The following ANO8 variants were observed in gnomAD, a reference collection of about 807,000 sequenced individuals.
ANO8 encodes the protein anoctamin-8.
In ANO8, 67 loss-of-function variants were observed where a neutral mutation model predicts 120.4. The ratio of observed to expected loss-of-function variants is 0.56; its 90% CI spans 0.46 to 0.68. The LOEUF is 0.68. ANO8 is among the 30% of genes least tolerant of loss of function. The pLI, the probability that ANO8 is intolerant of heterozygous loss-of-function variation, is 0.00. For synonymous variants in ANO8, 727 were observed against 759.2 expected (o/e 0.96, Z 0.70); for missense variants, 1,526 against 1,737.6 (o/e 0.88, Z 2.16).
chr19:17,327,307 G>A lies in ANO8; in HGVS notation c.2589C>T (p.Ala863=), dbSNP rs1370760376. The A allele has an allele frequency of 1.3e-6, 2 of 1,549,768 alleles. No individual in the cohort carries two copies. The highest frequency in any genetic ancestry group is 2.7e-5 in the African/African-American group (2 of 72,994). Residue 863 remains alanine (A), a synonymous_variant, in exon 16 of 18, where the codon GCC becomes GCT. Transcript: ENST00000159087. ...ALLLKYLIHV[A]IPDIPGWVAE... is the part of the protein sequence containing the mutation. ...CCACCCAGCCCGGGATATCGGGGAT[G>A]GCCACGTGGATGAGGTACTTGAGGA...
At chr19:17,325,752 A>G (rs187962388) in intron 16 of ANO8, among the ~76,000 whole-genome samples, 2,597 of 152,168 alleles carry the variant, frequency 0.017, 29 homozygotes, top group Non-Finnish European at 0.027. Context: ...AAATGGCAAA[A>G]CCCTGTCTCT....
intron 8 of ANO8, 58 bp downstream of exon 8, chr19:17,330,764 GCAGTGC>G: frequency 6.5e-7 from 1 of 1,549,614 alleles, no homozygotes; most frequent in Non-Finnish European, 8.7e-7. Flanking sequence ...CTTTGCTCCT[GCAGTGC>G]CCCCCACCAT....
At chr19:17,329,425 G>A (rs570828778) in intron 12 of ANO8, 44 of 405,768 alleles carry the variant, frequency 1.1e-4, no homozygotes, top group South Asian at 9.4e-4. Flanking sequence ...CCCGGGCCGC[G>A]AGCAGGAGGC....
rs2074294715 is a variant in ANO8 at position 17,328,742 on chromosome 19, C to T, written c.1646G>A (p.Gly549Asp). The T allele has an allele frequency of 1.5e-6, 2 of 1,351,918 alleles. No individual in the cohort carries two copies. The highest frequency in any genetic ancestry group is 1.5e-5 in the African/African-American group (1 of 65,118). The allele number at this position is 1,351,918 out of a possible 1,614,324, so 83.7% of individuals were successfully genotyped here. Reference sequence around the variant, plus strand: ...CTCCTCCTCCTCCGGCGCCCCGCAGCCCCCGCTGAGGCACCTGCGGCCCCC... The same window carrying T: ...CTCCTCCTCCTCCGGCGCCCCGCAGTCCCCGCTGAGGCACCTGCGGCCCCC... ...GGGGRRCLSG[G>D]CGAPEEEEEA... Residue 549 changes from glycine (G) to aspartate (D), a missense_variant, in exon 13 of 18, where the codon GGC (glycine) becomes GAC (aspartate). Coordinates refer to ENST00000159087, the MANE Select transcript of ANO8 (RefSeq NM_020959.3).
At position 17,327,443 on chromosome 19, in the gene ANO8, G is replaced by T; in HGVS notation, c.2545C>A (p.Leu849Ile). 6.2e-7 allele frequency: 1 copy of T among 1,609,100 alleles called. No homozygotes were observed. The highest frequency in any genetic ancestry group is 8.5e-7 in the Non-Finnish European group (1 of 1,177,850). Residue 849 changes from leucine to isoleucine, a missense_variant, in exon 15 of 18, where the codon CTC becomes ATC. By Grantham distance (5) the Leu-to-Ile change is conservative. Coordinates refer to ENST00000159087, the MANE Select transcript of ANO8 (RefSeq NM_020959.3). Reference protein sequence around the residue: ...PEAAIVSVVVLEHFALLLKYL... With the variant: ...PEAAIVSVVVIEHFALLLKYL... ...GCCCCTGTCGCCGGCCCCACCTCGA[G>T]CACTACCACCGACACGATGGCTGCC...
chr19:17,328,935 C>T lies in ANO8; in HGVS notation c.1453G>A (p.Glu485Lys), dbSNP rs760757316. The change falls in exon 13 of 18, where the codon GAG (glutamate) becomes AAG (lysine). Residue 485 changes from glutamate (E) to lysine (K), a missense_variant. Physicochemically the swap from Glu to Lys is moderately conservative, Grantham distance 56. Transcript: ENST00000159087. ...CGGTACAGGTGCGGCTGCAGGACCT[C>T]GCGCACGTTCTGGAGGAACTGGCGG... Reference protein sequence around the residue: ...ITRQFLQNVREVLQPHLYRRL... With the variant: ...ITRQFLQNVRKVLQPHLYRRL... 2.1e-5 allele frequency: 31 copies of T among 1,510,728 alleles called. No homozygotes were observed. In the East Asian group the frequency reaches 7.5e-4, roughly 37 times the overall value. 93.6% of individuals were successfully genotyped at this position (1,510,728 alleles called of 1,614,324 possible).
At position 17,323,311 on chromosome 19, in the gene ANO8, C is replaced by CTGGGTGTGTG. The variant is rs1804446743; in HGVS notation, c.*205_*206insCACACACCCA. 1.2e-5 allele frequency: 4 copies of CTGGGTGTGTG among 327,488 alleles called. No individual in the cohort carries two copies. The highest frequency in any genetic ancestry group is 2.2e-5 in the Non-Finnish European group (4 of 180,456). The allele number at this position is 327,488 out of a possible 1,614,324, so 20.3% of individuals were successfully genotyped here. ...AAAAACAAATAAATAATCGCCTGTTCTGTGTGTGTGTGTGTGTGTGTGTGT... is the reference window on the plus strand; with the variant it reads ...AAAAACAAATAAATAATCGCCTGTTCTGGGTGTGTGTGTGTGTGTGTGTGTGTGTGTGTGT... On this transcript the variant is annotated 3_prime_UTR_variant, in exon 18 of 18. Coordinates refer to ENST00000159087, the MANE Select transcript of ANO8 (RefSeq NM_020959.3).
At chr19:17,331,699 T>G (rs2074319630) in intron 5 of ANO8, among the ~76,000 whole-genome samples, 1 of 149,134 alleles carries the variant, frequency 6.7e-6, no homozygotes, top group African/African-American at 2.5e-5. Flanking sequence ...CAGGCTGGAG[T>G]GCAGTGGCGT....
intron 12 of ANO8, 91 bp from the exon 13 acceptor site, chr19:17,329,074 A>G: frequency 1.9e-6 from 2 of 1,067,742 alleles, no homozygotes; most frequent in South Asian, 3.7e-5. Flanking sequence ...GCCCCGCCGG[A>G]GCACCGTGCC....
rs780362914 is a variant in ANO8, at chr19:17,325,396, G to C, written c.2662-10C>G. 6.4e-7 allele frequency: 1 copy of C among 1,568,566 alleles called. No individual in the cohort carries two copies. The highest frequency in any genetic ancestry group is 1.7e-5 in the Admixed American group (1 of 57,360). ...CCTGGCGCTCGTGTCTCTGCAGGTA[G>C]AGCCAAGCCGTTACAGGACTAAGAA... On this transcript the variant is annotated splice_polypyrimidine_tract_variant and intron_variant, in intron 16 of 17. Coordinates refer to ENST00000159087, the MANE Select transcript of ANO8 (RefSeq NM_020959.3).
chr19:17,328,863 C>A lies in ANO8; in HGVS notation c.1525G>T (p.Ala509Ser), dbSNP rs1387833787. Residue 509 changes from alanine (A) to serine (S), a missense_variant, in exon 13 of 18, where the codon GCC becomes TCC. Physicochemically the swap from Ala to Ser is moderately conservative, Grantham distance 99. Coordinates refer to ENST00000159087, the MANE Select transcript of ANO8 (RefSeq NM_020959.3). ...ELGLRAVWEL[A>S]RALLGLLSLR... ...CTCAGGAGGCCAAGCAGGGCTCGGG[C>A]CAGCTCCCAGACGGCCCGCAGGCCC... 3 of 1,496,784 alleles carry A rather than the reference C, an allele frequency of 2.0e-6. No individual in the cohort carries two copies. The highest frequency in any genetic ancestry group is 2.7e-6 in the Non-Finnish European group (3 of 1,128,506). The allele number at this position is 1,496,784 out of a possible 1,614,324, so 92.7% of individuals were successfully genotyped here. A position where few individuals can be genotyped will look rare whatever the true frequency, so the allele number is the denominator to read the frequency against.
rs754856650 is a variant in ANO8 at position 17,333,273 on chromosome 19, G to C, written c.351-34C>G. Reference sequence around the variant, plus strand: ...AAGGCGGAGGAGGTGGGCTCACAGGGAGGCCCCGGCCCACCATCCTGGAGC... The same window carrying C: ...AAGGCGGAGGAGGTGGGCTCACAGGCAGGCCCCGGCCCACCATCCTGGAGC... On this transcript the variant is annotated intron_variant, in intron 3 of 17. Coordinates refer to ENST00000159087, the MANE Select transcript of ANO8 (RefSeq NM_020959.3). The surrounding 1 kb of genome is among the most constrained non-coding windows in gnomAD (Gnocchi z 7.2). 1.2e-6 allele frequency: 2 copies of C among 1,603,328 alleles called. No homozygotes were observed. The highest frequency in any genetic ancestry group is 2.2e-5 in the South Asian group (2 of 90,636).
rs374120885 is a variant in ANO8, at chr19:17,328,318, C to G, written c.2070G>C (p.Gly690=). 1.3e-6 allele frequency: 2 copies of G among 1,595,766 alleles called. No individual in the cohort carries two copies. Among genetic ancestry groups the G allele is most frequent in the Non-Finnish European group, 1.7e-6 (2 of 1,173,572 alleles). Residue 690 remains glycine (G), a synonymous_variant, in exon 13 of 18, where the codon GGG becomes GGC. Transcript: ENST00000159087. ...RRAGGEGRDQ[G]PDGGPDPEPG... ...GTTCCGGGTCCGGGCCCCCGTCGGG[C>G]CCCTGGTCTCGGCCCTCGCCCCCGG...
rs1275834542 is a variant in ANO8, at chr19:17,328,784, C to T, written c.1604G>A (p.Gly535Asp). 3 of 1,360,142 alleles carry T rather than the reference C, an allele frequency of 2.2e-6. No homozygotes were observed. Among genetic ancestry groups the T allele is most frequent in the Admixed American group, 7.8e-5 (2 of 25,616 alleles). The allele number at this position is 1,360,142 out of a possible 1,614,324, so 84.3% of individuals were successfully genotyped here. Reference sequence around the variant, plus strand: ...GCGGCCCCCGCCCCCGCTGCCGCCGCCCCCGCCCTCATCCGCCTGGGGTTC... The same window carrying T: ...GCGGCCCCCGCCCCCGCTGCCGCCGTCCCCGCCCTCATCCGCCTGGGGTTC... ...RLEPQADEGG[G>D]GGSGGGGRRC... Residue 535 changes from glycine to aspartate, a missense_variant, in exon 13 of 18, where the codon GGC becomes GAC. By Grantham distance (94) the Gly-to-Asp change is moderately conservative. This residue lies in a region of ANO8 where 467 missense variants were observed against 425.8 expected (regional missense o/e 1.10). Transcript: ENST00000159087.
rs963477199 is a variant in ANO8, at chr19:17,324,939, G to T, written c.3109C>A (p.Arg1037=). Reference sequence around the variant, plus strand: ...GGTGAGTGGCTGCGCTCAGAGTCCCGCCGGGTCTCGGGTGACTTGAGGAAC... The same window carrying T: ...GGTGAGTGGCTGCGCTCAGAGTCCCTCCGGGTCTCGGGTGACTTGAGGAAC... ...FKFLKSPETR[R]DSERSHSPPK... is the part of the protein sequence containing the mutation. Residue 1037 remains arginine (R), a synonymous_variant, in exon 17 of 18, where the codon CGG becomes AGG. Coordinates refer to ENST00000159087, the MANE Select transcript of ANO8 (RefSeq NM_020959.3). 1.2e-5 allele frequency: 20 copies of T among 1,613,230 alleles called. No homozygotes were observed. The highest frequency in any genetic ancestry group is 1.6e-5 in the Non-Finnish European group (19 of 1,179,922).
At chr19:17,325,469 C>T in intron 16 of ANO8, 83 bp from the exon 17 acceptor site, 1 of 1,486,870 alleles carries the variant, frequency 6.7e-7, no homozygotes, top group South Asian at 1.4e-5. Flanking sequence ...TGCCAGGGCT[C>T]TCTGCAAAAG....
chr19:17,328,789 G>A lies in ANO8; in HGVS notation c.1599C>T (p.Gly533=). The part of the protein sequence containing the change: ...PRRLEPQADE[G]GGGGSGGGGR... Reference sequence around the variant, plus strand: ...CCCCGCCCCCGCTGCCGCCGCCCCCGCCCTCATCCGCCTGGGGTTCGAGGC... The same window carrying A: ...CCCCGCCCCCGCTGCCGCCGCCCCCACCCTCATCCGCCTGGGGTTCGAGGC... The change falls in exon 13 of 18, where the codon GGC becomes GGT. Residue 533 remains glycine (G), a synonymous_variant. Transcript: ENST00000159087. The A allele has an allele frequency of 7.3e-7, 1 of 1,364,676 alleles. No homozygotes were observed. 84.5% of individuals were successfully genotyped at this position (1,364,676 alleles called of 1,614,324 possible). A position where few individuals can be genotyped will look rare whatever the true frequency, so the allele number is the denominator to read the frequency against.
At chr19:17,327,400 C>G (rs781051384) in intron 15 of ANO8, 38 bp downstream of exon 15, 1 of 1,565,430 alleles carries the variant, frequency 6.4e-7, no homozygotes, top group Admixed American at 1.9e-5. Flanking sequence ...GCCGCCCTCT[C>G]GCCTCCCAGC....
chr19:17,324,742 G>C lies in ANO8; in HGVS notation c.3306C>G (p.Ala1102=), dbSNP rs752824903. The C allele has an allele frequency of 3.9e-6, 6 of 1,529,498 alleles. No homozygotes were observed. The South Asian group carries it at 7.8e-5, about 20-fold the overall frequency. 94.7% of individuals were successfully genotyped at this position (1,529,498 alleles called of 1,614,324 possible). A position where few individuals can be genotyped will look rare whatever the true frequency, so the allele number is the denominator to read the frequency against. ...CTGAGCCTTCCTCTTCGGGCCGGGG[G>C]GCTTCCAGCTCCTCAGCCAGGGCCT... The part of the protein sequence containing the change: ...VDEALAEELE[A]PRPEEEGSGT... Residue 1102 remains alanine (A), a synonymous_variant, in exon 17 of 18, where the codon GCC becomes GCG. Transcript: ENST00000159087.
Sources: gnomAD v4.1 joint callset for allele counts (sites outside exome capture counted in the v4.1 genomes callset) on GRCh38, gnomAD v4.1.1 for gene constraint, gnomAD v4.1.1 regional missense constraint, Gnocchi (gnomAD v3.1) non-coding constraint, MANE v1.5 for transcripts, NCBI Gene and HGNC (gene_info 2026-07-23, HGNC 2026-07-21) for gene names.